DAB1: variants seen among roughly 807,000 people sequenced by gnomAD.
DAB1 encodes disabled homolog 1.
In DAB1, 15 loss-of-function variants were observed where a neutral mutation model predicts 64.6. The ratio of observed to expected loss-of-function variants is 0.23; its 90% CI spans 0.16 to 0.36. The LOEUF is 0.36. DAB1 is among the 10% of genes least tolerant of loss of function. The pLI is 1.00. For missense variants in DAB1, 596 were observed against 706.7 expected (o/e 0.84, Z 1.78); for synonymous variants, 235 against 251.9 (o/e 0.93, Z 0.64).
chr1:58,449,476 A>G (rs1645108983), intron 3 of DAB1, among the ~76,000 whole-genome samples: 1 of 152,254 alleles, frequency 6.6e-6, no homozygotes, highest in South Asian at 2.1e-4. Flanking sequence ...GATGGGTGAG[A>G]ATAGGATAGG....
chr1:57,760,794 C>T (rs891765127), intron 6 of DAB1, among the ~76,000 whole-genome samples: 2 of 152,086 alleles, frequency 1.3e-5, no homozygotes, highest in African/African-American at 4.8e-5. Flanking sequence ...CATGACATGT[C>T]CTTCTCATGG....
At chr1:57,684,460 G>T (rs1334415356) in intron 6 of DAB1, among the ~76,000 whole-genome samples, 1 of 152,154 alleles carries the variant, frequency 6.6e-6, no homozygotes, top group East Asian at 1.9e-4. Context: ...AGAAGAGATT[G>T]GGGATCTATT....
At chr1:57,723,954 A>G (rs968655046) in intron 6 of DAB1, among the ~76,000 whole-genome samples, 2 of 152,070 alleles carry the variant, frequency 1.3e-5, no homozygotes, top group African/African-American at 4.8e-5. Context: ...TTCAATTCCA[A>G]TTTTAGTTTA....
At chr1:57,220,868 A>G (rs197618) in intron 2 of DAB1, among the ~76,000 whole-genome samples, 81,787 of 151,932 alleles carry the variant, frequency 0.54, 22,645 homozygotes, top group Admixed American at 0.63. Context: ...AACTAGAAAT[A>G]CCATTTGACC....
chr1:57,692,989 T>G (rs981690446), intron 6 of DAB1, among the ~76,000 whole-genome samples: 4 of 152,192 alleles, frequency 2.6e-5, no homozygotes, highest in Non-Finnish European at 4.4e-5. Flanking sequence ...CATCTTGCTA[T>G]TACTCACCTT....
intron 1 of DAB1, among the ~76,000 whole-genome samples, chr1:57,833,088 G>A (rs541539541): frequency 6.6e-6 from 1 of 151,064 alleles, no homozygotes; most frequent in African/African-American, 2.4e-5. Context: ...AAAATCCTAT[G>A]CTTACAGTAC....
rs968294810 is a variant in DAB1 at position 58,280,650 on chromosome 1, T to C, written n.309+62702A>G. Among the ~76,000 whole-genome samples, 4 of 152,228 alleles carry C rather than the reference T, an allele frequency of 2.6e-5. No individual in the cohort carries two copies. In the South Asian group the frequency reaches 8.3e-4, roughly 32 times the overall value. The stretch of plus-strand genomic sequence containing the variant: ...TAAATCCTACCTGGCACTTTCCAGC[T>C]ACATCATGTTGGGCAAGTCATTTAG... On this transcript the variant is annotated intron_variant and non_coding_transcript_variant, in intron 4 of 20. Transcript: ENST00000485760.
chr1:57,512,393 T>C (rs1440381274), intron 7 of DAB1, among the ~76,000 whole-genome samples: 3 of 152,160 alleles, frequency 2.0e-5, no homozygotes, highest in African/African-American at 7.2e-5. Context: ...TAAATATTTA[T>C]AGCCAGAAAG....
chr1:57,071,273 G>A, intron 6 of DAB1: 1 of 647,472 alleles, frequency 1.5e-6, no homozygotes, highest in Non-Finnish European at 2.6e-6. Context: ...AAGCAATTGT[G>A]TTTCTTGGGT....
intron 3 of DAB1, among the ~76,000 whole-genome samples, chr1:58,447,613 C>T (rs1645083193): frequency 6.6e-6 from 1 of 152,098 alleles, no homozygotes; most frequent in African/African-American, 2.4e-5. Flanking sequence ...TAAACAAACG[C>T]TCGTCAGTGC....
intron 7 of DAB1, among the ~76,000 whole-genome samples, chr1:57,627,313 A>G (rs1316569007): frequency 6.6e-6 from 1 of 152,122 alleles, no homozygotes; most frequent in Non-Finnish European, 1.5e-5. Flanking sequence ...AGATCGTGGG[A>G]CTTCTCAGCC....
intron 6 of DAB1, among the ~76,000 whole-genome samples, chr1:57,733,682 C>T (rs1338567860): frequency 6.6e-6 from 1 of 151,944 alleles, no homozygotes; most frequent in Admixed American, 6.6e-5. Flanking sequence ...TCAGAGAGGT[C>T]GAGCGATTTG....
intron 2 of DAB1, among the ~76,000 whole-genome samples, chr1:58,520,928 T>A (rs1646252389): frequency 6.6e-6 from 1 of 151,908 alleles, no homozygotes; most frequent in African/African-American, 2.4e-5. Context: ...ATATAGAAGA[T>A]CTGAAACAAC....
chr1:57,720,773 G>A (rs1647140996), intron 6 of DAB1, among the ~76,000 whole-genome samples: 1 of 152,052 alleles, frequency 6.6e-6, no homozygotes, highest in Admixed American at 6.5e-5. Context: ...TTCTTTCAGG[G>A]TCTGACCAAT....
chr1:57,123,468 C>A (rs1291217907), intron 4 of DAB1, among the ~76,000 whole-genome samples: 1 of 152,084 alleles, frequency 6.6e-6, no homozygotes, highest in Admixed American at 6.6e-5. Flanking sequence ...AATGACAATA[C>A]TCCATGCTGG....
At chr1:57,305,946 G>A (rs191070006) in intron 1 of DAB1, among the ~76,000 whole-genome samples, 2,703 of 147,630 alleles carry the variant, frequency 0.018, 40 homozygotes, top group Non-Finnish European at 0.031. Context: ...TCCAGCCTGG[G>A]CGACAGAGCA....
intron 5 of DAB1, among the ~76,000 whole-genome samples, chr1:57,894,196 C>T (rs1005439494): frequency 1.3e-5 from 2 of 152,182 alleles, no homozygotes; most frequent in African/African-American, 4.8e-5. Flanking sequence ...TCCAAGTGTA[C>T]TTTCCTTCCT....
chr1:57,107,305 G>C (rs1655255188), intron 4 of DAB1, among the ~76,000 whole-genome samples: 1 of 151,668 alleles, frequency 6.6e-6, no homozygotes, highest in Non-Finnish European at 1.5e-5. Flanking sequence ...AACCGGGGAG[G>C]CGGAAGTTGC....
chr1:57,066,837 A>G (rs1255809746), intron 8 of DAB1, among the ~76,000 whole-genome samples: 2 of 152,216 alleles, frequency 1.3e-5, no homozygotes, highest in Admixed American at 6.5e-5. Flanking sequence ...AAATTGAGAT[A>G]CAAAAATTAT....
Sources: gnomAD v4.1 joint callset for allele counts (sites outside exome capture counted in the v4.1 genomes callset) on GRCh38, gnomAD v4.1.1 for gene constraint, MANE v1.5 for transcripts, NCBI Gene and HGNC (gene_info 2026-07-23, HGNC 2026-07-21) for gene names.